Variants in CNTNAP5 observed in about 807,000 individuals in gnomAD.
CNTNAP5 encodes the protein contactin-associated protein-like 5.
In CNTNAP5, 72 loss-of-function variants were observed where a neutral mutation model predicts 150.2. The ratio of observed to expected loss-of-function variants is 0.48; its 90% CI spans 0.40 to 0.58. The LOEUF (loss-of-function observed/expected upper bound fraction) is 0.58. CNTNAP5 is among the 20% of genes least tolerant of loss of function. The probability of loss-of-function intolerance (pLI) is 0.00; values close to 1 mark genes in which losing one functional copy is unlikely to be tolerated. For synonymous variants in CNTNAP5, 672 were observed against 619.8 expected (o/e 1.08, Z -1.25); for missense variants, 1,636 against 1,626.2 (o/e 1.01, Z -0.10).
At chr2:124,608,307 T>C (rs1298745162) in intron 11 of CNTNAP5, among the ~76,000 whole-genome samples, 2 of 152,222 alleles carry the variant, frequency 1.3e-5, no homozygotes, top group African/African-American at 4.8e-5. Flanking sequence ...TATATTCTCA[T>C]ATATGAGACA....
At chr2:124,413,805 G>C (rs1280948699) in intron 3 of CNTNAP5, among the ~76,000 whole-genome samples, 8 of 123,724 alleles carry the variant, frequency 6.5e-5, no homozygotes, top group African/African-American at 1.9e-4. Context: ...TGGGTGCAGT[G>C]CACCAGCATG....
intron 3 of CNTNAP5, among the ~76,000 whole-genome samples, chr2:124,251,181 G>A (rs1687164483): frequency 6.6e-6 from 1 of 152,100 alleles, no homozygotes; most frequent in Non-Finnish European, 1.5e-5. Flanking sequence ...ATGCCCCTAA[G>A]TTTGTCTAAC....
intron 13 of CNTNAP5, among the ~76,000 whole-genome samples, chr2:124,693,787 T>G (rs1679347723): frequency 7.1e-6 from 1 of 140,782 alleles, no homozygotes; most frequent in African/African-American, 2.7e-5. Context: ...TTAAATGGTG[T>G]CATAAGGCAA....
At chr2:124,530,630 G>A (rs564227352) in intron 10 of CNTNAP5, among the ~76,000 whole-genome samples, 10 of 152,262 alleles carry the variant, frequency 6.6e-5, no homozygotes, top group South Asian at 2.1e-4. Flanking sequence ...CTGGCCTTGC[G>A]CACGGCTCTG....
intron 13 of CNTNAP5, among the ~76,000 whole-genome samples, chr2:124,665,714 G>A (rs13008822): frequency 0.55 from 84,097 of 151,532 alleles, 23,892 homozygotes; most frequent in Non-Finnish European, 0.62. Flanking sequence ...GTGAAACCCC[G>A]TCTCTACTAA....
intron 6 of CNTNAP5, among the ~76,000 whole-genome samples, chr2:124,465,204 C>T (rs995980104): frequency 1.3e-5 from 2 of 152,150 alleles, no homozygotes; most frequent in African/African-American, 4.8e-5. Flanking sequence ...TCTGGGACCT[C>T]ATGCATTTAA....
chr2:124,389,860 G>A (rs537308950), intron 3 of CNTNAP5, among the ~76,000 whole-genome samples: 152 of 152,182 alleles, frequency 1.0e-3, no homozygotes, highest in African/African-American at 3.4e-3. Flanking sequence ...CAGCTACTTG[G>A]GAGGCTGAAG....
chr2:124,710,207 C>T (rs1330103559), intron 13 of CNTNAP5, among the ~76,000 whole-genome samples: 2 of 152,112 alleles, frequency 1.3e-5, no homozygotes, highest in African/African-American at 4.8e-5. Context: ...GCCAAGACTT[C>T]TGACTTTCTA....
chr2:124,767,578 G>C (rs763874757), intron 16 of CNTNAP5, among the ~76,000 whole-genome samples: 1 of 152,150 alleles, frequency 6.6e-6, no homozygotes, highest in Non-Finnish European at 1.5e-5. Context: ...TCTTCCAAGT[G>C]GGTTTGTGAG....
In CNTNAP5 at chr2:124,361,369, G is replaced by A. The variant is rs1001144478; in HGVS notation, c.382-56074G>A. ...GCTGGTGAGGAACTGCATTCCTTTG[G>A]AGGAGGAGAGGAGCTCTGCATTTTA... On this transcript the variant is annotated intron_variant, in intron 3 of 23. Transcript: ENST00000682447. 6.9e-5 allele frequency among the ~76,000 whole-genome samples: 10 copies of A among 144,390 alleles called. 1 individual carries two copies. The highest frequency in any genetic ancestry group is 2.6e-4 in the African/African-American group (10 of 38,744). The allele number at this position is 144,390 out of a possible 152,430, so 94.7% of individuals were successfully genotyped here.
intron 3 of CNTNAP5, among the ~76,000 whole-genome samples, chr2:124,414,123 T>G (rs1184326700): frequency 2.0e-5 from 3 of 151,336 alleles, no homozygotes; most frequent in African/African-American, 4.8e-5. Context: ...GATTTCCTTT[T>G]TTTTTTTTTT....
chr2:124,708,423 G>T (rs192648642), intron 13 of CNTNAP5, among the ~76,000 whole-genome samples: 1 of 152,170 alleles, frequency 6.6e-6, no homozygotes, highest in Non-Finnish European at 1.5e-5. Flanking sequence ...AGAAGGAAAT[G>T]TCATGATCTC....
chr2:124,268,290 C>T (rs1687662646), intron 3 of CNTNAP5, among the ~76,000 whole-genome samples: 1 of 152,124 alleles, frequency 6.6e-6, no homozygotes, highest in African/African-American at 2.4e-5. Flanking sequence ...GTTTTCCCTT[C>T]CCTTTGAGTG....
chr2:124,233,784 T>A (rs2104756196), intron 2 of CNTNAP5, among the ~76,000 whole-genome samples: 1 of 122,136 alleles, frequency 8.2e-6, no homozygotes, highest in East Asian at 2.4e-4. Flanking sequence ...TGCCTGTGAG[T>A]TTATATATAT....
chr2:124,848,796 T>G (rs1683100411), intron 19 of CNTNAP5, among the ~76,000 whole-genome samples: 1 of 152,190 alleles, frequency 6.6e-6, no homozygotes. Context: ...ATTGTATGTT[T>G]TCTTTGGAAA....
At chr2:124,777,866 TATC>T (rs1681361060) in intron 17 of CNTNAP5, among the ~76,000 whole-genome samples, 1 of 151,194 alleles carries the variant, frequency 6.6e-6, no homozygotes, top group African/African-American at 2.4e-5. Context: ...TGCAGCATGG[TATC>T]ATCTTCTCAT....
chr2:124,811,631 T>C (rs1012448281), intron 19 of CNTNAP5, among the ~76,000 whole-genome samples: 2 of 150,204 alleles, frequency 1.3e-5, no homozygotes, highest in Non-Finnish European at 2.9e-5. Flanking sequence ...GAATGAACAA[T>C]GCATGATGAA....
chr2:124,332,704 A>C (rs1258053003), intron 3 of CNTNAP5, among the ~76,000 whole-genome samples: 1 of 151,990 alleles, frequency 6.6e-6, no homozygotes, highest in African/African-American at 2.4e-5. Flanking sequence ...AAGCATAATT[A>C]TTATTTTAAA....
chr2:124,104,635 G>C (rs1320172627), intron 1 of CNTNAP5, among the ~76,000 whole-genome samples: 2 of 152,174 alleles, frequency 1.3e-5, no homozygotes, highest in Admixed American at 6.5e-5. Flanking sequence ...ATATGGCAAA[G>C]TAAAGCACTT....
Sources: gnomAD v4.1 joint callset for allele counts (sites outside exome capture counted in the v4.1 genomes callset) on GRCh38, gnomAD v4.1.1 for gene constraint, MANE v1.5 for transcripts, NCBI Gene and HGNC (gene_info 2026-07-23, HGNC 2026-07-21) for gene names.